The following CBR4 variants were observed in gnomAD, a reference collection of about 807,000 sequenced individuals.
The protein encoded by CBR4 is carbonyl reductase 4, also known as 3-oxoacyl-[acyl-carrier-protein] reductase.
Under a neutral mutation model 21.0 loss-of-function variants are expected in CBR4, and 22 were observed. That is an observed-to-expected ratio of 1.05 (90% CI 0.75 to 1.50). CBR4 has a LOEUF of 1.50. CBR4 is among the 40% of genes most tolerant of loss of function. The pLI is 0.00. For synonymous variants in CBR4, 100 were observed against 104.4 expected, an observed-to-expected ratio of 0.96 and a Z score of 0.26; for missense variants, 302 against 286.3, an observed-to-expected ratio of 1.05 and a Z score of -0.40.
At chr4:168,971,871 G>T (rs1215665465) in intron 2 of CBR4, among the ~76,000 whole-genome samples, 13 of 152,126 alleles carry the variant, frequency 8.5e-5, no homozygotes, top group Admixed American at 5.9e-4. Flanking sequence ...TTAGGCCAAG[G>T]TCTACATGAG....
At chr4:168,987,366 A>C (rs1764725015), downstream of CBR4, among the ~76,000 whole-genome samples, 1 of 152,256 alleles carries the variant, frequency 6.6e-6, no homozygotes, top group Non-Finnish European at 1.5e-5. Context: ...AGAATATTTT[A>C]CTGCATATAT....
At chr4:168,937,389 A>G (rs1763142449) in intron 2 of CBR4, among the ~76,000 whole-genome samples, 1 of 152,194 alleles carries the variant, frequency 6.6e-6, no homozygotes, top group Admixed American at 6.5e-5. Context: ...AACACTATGA[A>G]GAAACTGCAT....
At chr4:168,958,901 C>T (rs187418689) in intron 2 of CBR4, among the ~76,000 whole-genome samples, 53 of 152,108 alleles carry the variant, frequency 3.5e-4, no homozygotes, top group Non-Finnish European at 5.0e-4. Context: ...TCTTATTATT[C>T]GTTTTAGGAG....
intron 1 of CBR4, among the ~76,000 whole-genome samples, chr4:169,009,230 T>C (rs1731181814): frequency 6.6e-6 from 1 of 151,958 alleles, no homozygotes; most frequent in Non-Finnish European, 1.5e-5. Context: ...CTCCCTAAAC[T>C]CAATGAAGAG....
chr4:168,972,744 C>T (rs1299874532), intron 2 of CBR4, among the ~76,000 whole-genome samples: 1 of 152,170 alleles, frequency 6.6e-6, no homozygotes, highest in African/African-American at 2.4e-5. Flanking sequence ...GTTTGACTTC[C>T]TCTTTACCAA....
intron 2 of CBR4, chr4:168,916,108 A>G: frequency 7.4e-7 from 1 of 1,347,010 alleles, no homozygotes; most frequent in East Asian, 2.3e-5. Flanking sequence ...CTTTTGGGGA[A>G]ATTACATAAA....
intron 2 of CBR4, among the ~76,000 whole-genome samples, chr4:168,945,083 T>G (rs1763367917): frequency 6.6e-6 from 1 of 152,204 alleles, no homozygotes; most frequent in African/African-American, 2.4e-5. Flanking sequence ...GGTTAGCTCC[T>G]GTATACAGCA....
At chr4:168,896,090 G>A (rs890610764) in intron 2 of CBR4, among the ~76,000 whole-genome samples, 3 of 152,046 alleles carry the variant, frequency 2.0e-5, no homozygotes, top group African/African-American at 7.2e-5. Flanking sequence ...TGCGCCTGTA[G>A]TCCCAGCTAC....
At chr4:168,905,548 T>C (rs1192462642) in intron 2 of CBR4, among the ~76,000 whole-genome samples, 1 of 152,068 alleles carries the variant, frequency 6.6e-6, no homozygotes, top group Non-Finnish European at 1.5e-5. Context: ...TGCAATAATA[T>C]TAAGATCAGA....
intron 2 of CBR4, among the ~76,000 whole-genome samples, chr4:168,906,770 G>A (rs1007315909): frequency 2.6e-5 from 4 of 151,962 alleles, no homozygotes; most frequent in African/African-American, 7.3e-5. Context: ...AATTACAAGC[G>A]TGAGCCACTG....
chr4:168,919,468 T>A (rs1346384925), intron 2 of CBR4, among the ~76,000 whole-genome samples: 1 of 148,218 alleles, frequency 6.7e-6, no homozygotes, highest in Non-Finnish European at 1.5e-5. Flanking sequence ...GAGGTTGCAG[T>A]AAGCTGAGAT....
intron 3 of CBR4, among the ~76,000 whole-genome samples, chr4:169,003,220 G>GT (rs1251844874): frequency 1.3e-5 from 2 of 152,148 alleles, no homozygotes; most frequent in African/African-American, 4.8e-5. Context: ...AGGATTCACC[G>GT]TTCTATATGC....
intron 2 of CBR4, among the ~76,000 whole-genome samples, chr4:168,935,857 T>G (rs1198373749): frequency 6.6e-6 from 1 of 152,186 alleles, no homozygotes; most frequent in Non-Finnish European, 1.5e-5. Flanking sequence ...TAAACATTCC[T>G]GCCTGCCAGC....
intron 2 of CBR4, among the ~76,000 whole-genome samples, chr4:168,900,816 T>A (rs1401069069): frequency 1.3e-5 from 2 of 152,238 alleles, no homozygotes; most frequent in African/African-American, 4.8e-5. Context: ...ATCAAACGCA[T>A]GTATTAAAAA....
At chr4:168,910,871 A>G (rs1184461860) in intron 2 of CBR4, among the ~76,000 whole-genome samples, 1 of 152,130 alleles carries the variant, frequency 6.6e-6, no homozygotes, top group Non-Finnish European at 1.5e-5. Context: ...GTTAAATATG[A>G]AAGAATTTTA....
chr4:168,923,873 C>G (rs1031133824), intron 2 of CBR4, among the ~76,000 whole-genome samples: 4 of 152,054 alleles, frequency 2.6e-5, no homozygotes, highest in Non-Finnish European at 5.9e-5. Context: ...TACTTGTCCT[C>G]AGCACCACTA....
rs148966983 is a variant in CBR4 at position 168,958,553 on chromosome 4, G to A, written n.169+43518C>T. On this transcript the variant is annotated intron_variant and non_coding_transcript_variant, in intron 2 of 3. Coordinates refer to the CBR4 transcript ENST00000509108. ...AATATACAAATCTTTGTGTGAACACGTATTTTTATTTATATTGGGAAAATA... is the reference window on the plus strand; with the variant it reads ...AATATACAAATCTTTGTGTGAACACATATTTTTATTTATATTGGGAAAATA... Among the ~76,000 whole-genome samples, 194 of 152,274 alleles carry A rather than the reference G, an allele frequency of 1.3e-3. 2 individuals are homozygous for A. Among genetic ancestry groups the A allele is most frequent in the East Asian group, 0.013 (66 of 5,190 alleles).
rs141139186 is a variant in CBR4 at position 169,010,004 on chromosome 4, A to C, written c.86T>G (p.Leu29Arg). The C allele has an allele frequency of 1.2e-6, 2 of 1,613,624 alleles. No homozygotes were observed. Among genetic ancestry groups the C allele is most frequent in the African/African-American group, 2.7e-5 (2 of 74,886 alleles). The change falls in exon 1 of 5, where the codon CTG becomes CGG. Residue 29 changes from leucine to arginine, a missense_variant. By Grantham distance (102) the Leu-to-Arg change is moderately radical. Transcript: ENST00000306193. The stretch of plus-strand genomic sequence containing the variant: ...TTCCAGGTTTCTGGCAATGACCGCC[A>C]GTCGGTAGCCTTTCCGGGCCATTAA... ...AQLMARKGYR[L>R]AVIARNLEGA...
chr4:168,924,888 T>C (rs1322480719), intron 2 of CBR4: 1 of 1,582,122 alleles, frequency 6.3e-7, no homozygotes, highest in Admixed American at 1.7e-5. Context: ...TGATGCTTCA[T>C]GTCCAAAGCC....
Sources: gnomAD v4.1 joint callset for allele counts (sites outside exome capture counted in the v4.1 genomes callset) on GRCh38, gnomAD v4.1.1 for gene constraint, MANE v1.5 for transcripts, NCBI Gene and HGNC (gene_info 2026-07-23, HGNC 2026-07-21) for gene names.